ZNF114: variants seen among roughly 807,000 people sequenced by gnomAD.
The protein encoded by ZNF114 is zinc finger protein 114.
In ZNF114, 8 loss-of-function variants were observed where a neutral mutation model predicts 6.8. The observed-to-expected ratio is 1.18, with a 90% confidence interval of 0.69 to 2.13. The LOEUF (loss-of-function observed/expected upper bound fraction) is 2.13, where lower values mean the gene tolerates loss of function less well. Ranked by LOEUF, ZNF114 falls within the 30% of genes most tolerant of loss-of-function variation. The pLI is 0.00. For synonymous variants in ZNF114, 169 were observed against 185.5 expected (o/e 0.91, Z 0.72); for missense variants, 472 against 519.5 (o/e 0.91, Z 0.89).
At position 48,286,361 on chromosome 19, in the gene ZNF114, A is replaced by C. The variant is rs1968129643; in HGVS notation, c.737A>C (p.Lys246Thr). ...GCACACAACACTCATGGTCGAGAGA[A>C]AATGTATGATTTTACTCAGTGCGAG... ...LRAHNTHGRE[K>T]MYDFTQCENT... is the part of the protein sequence containing the mutation. Residue 246 changes from lysine (K) to threonine (T), a missense_variant, in exon 6 of 6, where the codon AAA (lysine) becomes ACA (threonine). Transcript: ENST00000595607. The C allele has an allele frequency of 6.2e-7, 1 of 1,614,216 alleles. No individual in the cohort carries two copies. The highest frequency in any genetic ancestry group is 8.5e-7 in the Non-Finnish European group (1 of 1,180,050).
Position 48,271,714 on chromosome 19 carries a change from T to C in ZNF114, c.-171-13T>C, listed in dbSNP as rs1967662759. The C allele has an allele frequency of 6.6e-6, 1 of 152,306 alleles. No homozygotes were observed. Among genetic ancestry groups the C allele is most frequent in the Non-Finnish European group, 1.5e-5 (1 of 68,116 alleles). 9.4% of individuals were successfully genotyped at this position (152,306 alleles called of 1,614,324 possible). A position where few individuals can be genotyped will look rare whatever the true frequency, so the allele number is the denominator to read the frequency against. On this transcript the variant is annotated splice_polypyrimidine_tract_variant and intron_variant, in intron 2 of 5. Coordinates refer to ENST00000595607, the MANE Select transcript of ZNF114 (RefSeq NM_153608.4). ...CTTCCTGGCGGCCTCGTTAGGTTGATTTATTTCAACAGTTTGATCCCCATC... is the reference window on the plus strand; with the variant it reads ...CTTCCTGGCGGCCTCGTTAGGTTGACTTATTTCAACAGTTTGATCCCCATC...
At chr19:48,285,319 G>A (rs1968087795) in intron 5 of ZNF114, among the ~76,000 whole-genome samples, 2 of 152,154 alleles carry the variant, frequency 1.3e-5, no homozygotes, top group African/African-American at 4.8e-5. Context: ...CCAACATGGT[G>A]AAACCCCATC....
chr19:48,280,952 T>C (rs1341801469), intron 4 of ZNF114, among the ~76,000 whole-genome samples: 1 of 152,132 alleles, frequency 6.6e-6, no homozygotes, highest in Non-Finnish European at 1.5e-5. Flanking sequence ...TGGTAGAGAT[T>C]GAAGTCCGGT....
chr19:48,275,981 CAA>C (rs34451904), intron 3 of ZNF114, among the ~76,000 whole-genome samples: 1 of 121,690 alleles, frequency 8.2e-6, no homozygotes, highest in Non-Finnish European at 1.7e-5. Flanking sequence ...GACTCCATCT[CAA>C]AAAAAAAAAA....
chr19:48,270,677 AAAGG>A (rs976067023), intron 1 of ZNF114, among the ~76,000 whole-genome samples: 30 of 150,386 alleles, frequency 2.0e-4, no homozygotes, highest in Middle Eastern at 6.8e-3. Flanking sequence ...GAAAGAGAAA[AAAGG>A]AAGGAAGGAG....
At chr19:48,281,498 CTTCTT>C (rs1489323039) in intron 4 of ZNF114, 1 of 122,880 alleles carries the variant, frequency 8.1e-6, no homozygotes, top group Non-Finnish European at 1.8e-5. Flanking sequence ...CACATTTCCC[CTTCTT>C]TTTTTTTTTT....
At chr19:48,285,666 AAG>A (rs544462398) in intron 5 of ZNF114, 93 bp from the exon 6 acceptor site, 50 of 1,348,282 alleles carry the variant, frequency 3.7e-5, no homozygotes, top group African/African-American at 2.8e-4. Context: ...GAAAGAAAGA[AAG>A]AGAGAAATCC....
At position 48,286,925 on chromosome 19, in the gene ZNF114, T is replaced by A; in HGVS notation, c.*47T>A. 1 of 1,521,732 alleles carries A rather than the reference T, an allele frequency of 6.6e-7. No individual in the cohort carries two copies. 94.3% of individuals were successfully genotyped at this position (1,521,732 alleles called of 1,614,324 possible). ...ATTAATTTTCTGACTGTACCAAACA[T>A]GTGAGGAGGACATATTGGAAGGGAG... On this transcript the variant is annotated 3_prime_UTR_variant, in exon 6 of 6. Transcript: ENST00000595607.
In ZNF114 at chr19:48,287,127, G is replaced by T; in HGVS notation, c.*249G>T. The stretch of plus-strand genomic sequence containing the variant: ...GCGAATCTAAAAGGAATATGACAAA[G>T]CCTTCAGCGTGGTCTCAAATTCATG... On this transcript the variant is annotated 3_prime_UTR_variant, in exon 6 of 6. Coordinates refer to ENST00000595607, the MANE Select transcript of ZNF114 (RefSeq NM_153608.4). 3.2e-6 allele frequency: 1 copy of T among 311,106 alleles called. No individual in the cohort carries two copies. The allele number at this position is 311,106 out of a possible 1,614,324, so 19.3% of individuals were successfully genotyped here.
chr19:48,282,887 T>A (rs1968029227), intron 5 of ZNF114, among the ~76,000 whole-genome samples: 5 of 151,714 alleles, frequency 3.3e-5, no homozygotes, highest in Admixed American at 6.6e-5. Context: ...TAATTTTTGT[T>A]TGTATTTTTA....
intron 3 of ZNF114, among the ~76,000 whole-genome samples, chr19:48,275,831 A>T (rs1193519082): frequency 6.6e-6 from 1 of 151,110 alleles, no homozygotes; most frequent in East Asian, 2.0e-4. Flanking sequence ...AAATACAAAA[A>T]ATTAGCAGGG....
intron 5 of ZNF114, 118 bp downstream of exon 5, chr19:48,282,615 T>G (rs1046538073): frequency 5.5e-6 from 7 of 1,263,144 alleles, no homozygotes; most frequent in Admixed American, 5.2e-5. Context: ...ACACAGCTGC[T>G]GCCCCCCAGG....
At chr19:48,281,029 G>A (rs368422035) in intron 4 of ZNF114, among the ~76,000 whole-genome samples, 3 of 152,126 alleles carry the variant, frequency 2.0e-5, no homozygotes, top group East Asian at 3.9e-4. Flanking sequence ...GGCTGTCCCA[G>A]CTACTTGGGA....
intron 4 of ZNF114, among the ~76,000 whole-genome samples, chr19:48,280,682 A>G (rs914130738): frequency 6.6e-6 from 1 of 151,376 alleles, no homozygotes; most frequent in African/African-American, 2.4e-5. Flanking sequence ...CATCCCGAGT[A>G]GCTGGGATTA....
rs751487775 is a variant in ZNF114, at chr19:48,286,137, T to G, written c.513T>G (p.His171Gln). 1 of 1,614,072 alleles carries G rather than the reference T, an allele frequency of 6.2e-7. No homozygotes were observed. The highest frequency in any genetic ancestry group is 8.5e-7 in the Non-Finnish European group (1 of 1,180,004). Residue 171 changes from histidine to glutamine, a missense_variant, in exon 6 of 6, where the codon CAT becomes CAG. His to Gln is a conservative substitution (Grantham distance 24). Coordinates refer to ENST00000595607, the MANE Select transcript of ZNF114 (RefSeq NM_153608.4). ...TCTTAAACGATAGTCAAAAAACACA[T>G]GAAAACAACGAAGACGATGGAGTCT... ...NPVLNDSQKT[H>Q]ENNEDDGVLG...
At chr19:48,274,941 G>A (rs6509371) in intron 3 of ZNF114, among the ~76,000 whole-genome samples, 59,547 of 151,674 alleles carry the variant, frequency 0.39, 12,072 homozygotes, top group Non-Finnish European at 0.44. Flanking sequence ...ATGGCAGAAC[G>A]TCCACGCCTG....
At chr19:48,278,620 T>C (rs1967909651) in intron 3 of ZNF114, among the ~76,000 whole-genome samples, 1 of 152,092 alleles carries the variant, frequency 6.6e-6, no homozygotes, top group Non-Finnish European at 1.5e-5. Context: ...TTGATCAGTA[T>C]TGGGTTGTCT....
chr19:48,275,690 G>C (rs1254320238), intron 3 of ZNF114, among the ~76,000 whole-genome samples: 1 of 151,990 alleles, frequency 6.6e-6, no homozygotes, highest in Non-Finnish European at 1.5e-5. Flanking sequence ...CATCACATCA[G>C]TGTAACTATA....
intron 3 of ZNF114, among the ~76,000 whole-genome samples, chr19:48,279,393 G>A (rs918598472): frequency 4.6e-5 from 6 of 131,248 alleles, no homozygotes; most frequent in Non-Finnish European, 9.4e-5. Context: ...ACAAGTCTCT[G>A]TCTCTAAAAA....
Sources: gnomAD v4.1 joint callset for allele counts (sites outside exome capture counted in the v4.1 genomes callset) on GRCh38, gnomAD v4.1.1 for gene constraint, MANE v1.5 for transcripts, NCBI Gene and HGNC (gene_info 2026-07-23, HGNC 2026-07-21) for gene names.